The following FXYD6 variants were observed in gnomAD, a reference collection of about 807,000 sequenced individuals.
FXYD6 encodes the protein FXYD domain-containing ion transport regulator 6.
In FXYD6, 7 loss-of-function variants were observed where a neutral mutation model predicts 16.7. The observed-to-expected ratio is 0.42, with a 90% CI of 0.24 to 0.79. The LOEUF (loss-of-function observed/expected upper bound fraction) is 0.79. Ranked by LOEUF, FXYD6 falls within the 30% of genes least tolerant of loss-of-function variation. The pLI is 0.28. For synonymous variants in FXYD6, 49 were observed against 43.0 expected (o/e 1.14, Z -0.54); for missense variants, 111 against 116.2 (o/e 0.95, Z 0.21).
At chr11:117,848,535 A>G (rs1287227526) in intron 1 of FXYD6, among the ~76,000 whole-genome samples, 1 of 152,108 alleles carries the variant, frequency 6.6e-6, no homozygotes, top group East Asian at 1.9e-4. Context: ...TGGGGATGGC[A>G]GTACTGGCCT....
intron 1 of FXYD6, among the ~76,000 whole-genome samples, chr11:117,853,701 A>T (rs2056659308): frequency 1.3e-5 from 2 of 152,154 alleles, no homozygotes; most frequent in Admixed American, 1.3e-4. Flanking sequence ...CATGTTGGCC[A>T]GGCTGGGTCT....
chr11:117,866,674 TC>T (rs2057020750), intron 1 of FXYD6, among the ~76,000 whole-genome samples: 1 of 152,314 alleles, frequency 6.6e-6, no homozygotes, highest in Admixed American at 6.5e-5. Context: ...CACTCCTGTG[TC>T]CCTCTCAGCC....
intron 1 of FXYD6, among the ~76,000 whole-genome samples, chr11:117,865,441 T>C (rs1053175743): frequency 6.6e-6 from 1 of 152,184 alleles, no homozygotes; most frequent in Non-Finnish European, 1.5e-5. Context: ...TTATTCACAA[T>C]AGCTAAAACA....
At chr11:117,839,120 C>T (rs2056274845) in intron 7 of FXYD6, 1 of 152,922 alleles carries the variant, frequency 6.5e-6, no homozygotes, top group South Asian at 2.1e-4. Flanking sequence ...CTGTCACTCT[C>T]CACGGGGCTA....
intron 1 of FXYD6, among the ~76,000 whole-genome samples, chr11:117,871,007 A>T (rs912358110): frequency 2.0e-5 from 3 of 152,080 alleles, no homozygotes; most frequent in African/African-American, 7.2e-5. Flanking sequence ...CAACCAAAGG[A>T]TCTGTAGGGA....
At chr11:117,873,933 C>T (rs181811003) in intron 1 of FXYD6, among the ~76,000 whole-genome samples, 41 of 152,210 alleles carry the variant, frequency 2.7e-4, no homozygotes, top group African/African-American at 7.9e-4. Context: ...AGTCACCAGC[C>T]GACCAAAGGC....
In FXYD6 at chr11:117,841,255, G is replaced by A. The variant is rs11216579; in HGVS notation, c.173-71C>T. On this transcript the variant is annotated intron_variant, in intron 4 of 7. Coordinates refer to ENST00000526014, the MANE Select transcript of FXYD6 (RefSeq NM_022003.4). ...ACAGCAGGGCCAAGGGTCTGTGCAG[G>A]TTGTGGGACTATGTAAATGGCACCC... is the stretch of plus-strand genomic sequence containing the variant. The A allele has an allele frequency of 0.02, 32,673 of 1,607,500 alleles. 3,299 individuals carry two copies. The East Asian group carries it at 0.24, about 12-fold the overall frequency.
At chr11:117,842,272 C>CA (rs2056366569) in intron 2 of FXYD6, 1 of 599,584 alleles carries the variant, frequency 1.7e-6, no homozygotes, top group South Asian at 2.0e-5. Flanking sequence ...GCAACACCCA[C>CA]ATTCATTGCC....
rs528684538 is a variant in FXYD6, at chr11:117,875,130, C to A, written c.-6+1462G>T. 1.3e-4 allele frequency among the ~76,000 whole-genome samples: 20 copies of A among 151,812 alleles called. No homozygotes were observed. In the South Asian group the frequency reaches 4.0e-3, roughly 30 times the overall value. ...TGTGTGTGTGTGTGCATGCACAGTGCGCATGTAGGGTGTCAGTGTAGCATT... is the reference window on the plus strand; with the variant it reads ...TGTGTGTGTGTGTGCATGCACAGTGAGCATGTAGGGTGTCAGTGTAGCATT... On this transcript the variant is annotated intron_variant, in intron 1 of 7. Coordinates refer to ENST00000526014, the MANE Select transcript of FXYD6 (RefSeq NM_022003.4).
intron 7 of FXYD6, chr11:117,838,660 C>A (rs2056256290): frequency 8.8e-6 from 2 of 228,286 alleles, no homozygotes; most frequent in Non-Finnish European, 1.8e-5. Flanking sequence ...ATAGACAGAA[C>A]ACCAAGCTAC....
chr11:117,846,232 GAT>G (rs1449813648), intron 1 of FXYD6, among the ~76,000 whole-genome samples: 2 of 152,286 alleles, frequency 1.3e-5, no homozygotes, highest in South Asian at 2.1e-4. Flanking sequence ...CTTCATCAGT[GAT>G]ATGTTTTTCA....
intron 2 of FXYD6, chr11:117,842,372 C>T: frequency 3.6e-6 from 2 of 556,020 alleles, no homozygotes; most frequent in Non-Finnish European, 6.4e-6. Flanking sequence ...GGACATATGA[C>T]TTGCACGAGG....
In FXYD6 at chr11:117,858,739, T is replaced by C. The variant is rs1437896342; in HGVS notation, c.-5-15958A>G. Among the ~76,000 whole-genome samples, 581 of 119,026 alleles carry C rather than the reference T, an allele frequency of 4.9e-3. 13 individuals are homozygous for C. The highest frequency in any genetic ancestry group is 0.017 in the African/African-American group (509 of 29,206). 78.1% of individuals were successfully genotyped at this position (119,026 alleles called of 152,430 possible). On this transcript the variant is annotated intron_variant, in intron 1 of 7. Coordinates refer to ENST00000526014, the MANE Select transcript of FXYD6 (RefSeq NM_022003.4). ...TCCTTCCTTCCCTTCCTTCCTTCCT[T>C]CCTTCCTTCCTTCCTTCCTTCCTTC...
At chr11:117,858,168 T>A (rs1283856004) in intron 1 of FXYD6, 1 of 152,246 alleles carries the variant, frequency 6.6e-6, no homozygotes, top group Non-Finnish European at 1.5e-5. Flanking sequence ...TGCTGGAGCA[T>A]CCTGGTGCCC....
At chr11:117,844,881 G>A (rs762175806) in intron 1 of FXYD6, among the ~76,000 whole-genome samples, 3 of 152,218 alleles carry the variant, frequency 2.0e-5, no homozygotes, top group Non-Finnish European at 4.4e-5. Context: ...AAATGAGTAA[G>A]TGCTAGAGAT....
chr11:117,861,587 T>G (rs1008625502), intron 1 of FXYD6, among the ~76,000 whole-genome samples: 8 of 152,360 alleles, frequency 5.3e-5, no homozygotes, highest in Admixed American at 5.2e-4. Flanking sequence ...GAATAGTAAC[T>G]GCTGGTGAAG....
At chr11:117,847,880 A>G (rs560746372) in intron 1 of FXYD6, among the ~76,000 whole-genome samples, 1 of 152,320 alleles carries the variant, frequency 6.6e-6, no homozygotes, top group African/African-American at 2.4e-5. Context: ...GTATATACCC[A>G]GTAATGGGAT....
chr11:117,869,451 G>T (rs1252504107), intron 1 of FXYD6, among the ~76,000 whole-genome samples: 1 of 152,338 alleles, frequency 6.6e-6, no homozygotes, highest in East Asian at 1.9e-4. Context: ...ATTCATGGAA[G>T]AGGGGCACTC....
chr11:117,855,222 C>T (rs1451139309), intron 1 of FXYD6, among the ~76,000 whole-genome samples: 1 of 152,198 alleles, frequency 6.6e-6, no homozygotes, highest in East Asian at 1.9e-4. Flanking sequence ...GATCAAGTGA[C>T]AGTGTGAAAA....
Sources: allele counts gnomAD v4.1 joint callset (sites outside exome capture counted in the v4.1 genomes callset), GRCh38; gene constraint gnomAD v4.1.1; transcripts MANE v1.5; gene names NCBI Gene and HGNC (gene_info 2026-07-23, HGNC 2026-07-21).